Variants in CIITA observed in about 807,000 individuals in gnomAD.
CIITA encodes the protein MHC class II transactivator.
CIITA carries 72 observed loss-of-function variants against 115.1 expected under a neutral mutation model. The ratio of observed to expected loss-of-function variants is 0.63; its 90% confidence interval spans 0.52 to 0.76. CIITA has a LOEUF of 0.76. Among genes scored for constraint, CIITA ranks in the 30% least tolerant of loss-of-function variants. The pLI, the probability that CIITA is intolerant of heterozygous loss-of-function variation, is 0.00. For missense variants in CIITA, 1,617 were observed against 1,463.8 expected (o/e 1.10, Z -1.71); for synonymous variants, 763 against 635.6 (o/e 1.20, Z -3.02).
intron 1 of CIITA, among the ~76,000 whole-genome samples, chr16:10,870,539 G>T (rs181517132): frequency 5.8e-4 from 88 of 152,262 alleles, no homozygotes; most frequent in African/African-American, 2.0e-3. Flanking sequence ...CACAACATCT[G>T]AACAACATCT....
At chr16:10,938,423 C>A (rs945224047), downstream of CIITA, 3 of 151,818 alleles carry the variant, frequency 2.0e-5, no homozygotes, top group Admixed American at 2.0e-4. The surrounding 1 kb of genome is among the most constrained non-coding windows in gnomAD (Gnocchi z 4.9). Context: ...TCTTGAGATT[C>A]ATCCTGGGCC....
Position 10,941,614 on chromosome 16 carries a change from G to A in CIITA, n.740G>A, listed in dbSNP as rs993332373. Reference sequence around the variant, plus strand: ...GGTCTCCTCCTGGGGAACCATCCCCGTCCAGATGGTGCCCCCAACCAGCTG... The same window carrying A: ...GGTCTCCTCCTGGGGAACCATCCCCATCCAGATGGTGCCCCCAACCAGCTG... On this transcript the variant is annotated non_coding_transcript_exon_variant, in exon 2 of 2. Coordinates refer to the CIITA transcript ENST00000573379. The surrounding 1 kb of genome is among the most constrained non-coding windows in gnomAD (Gnocchi z 6.4). 28 of 1,507,104 alleles carry A rather than the reference G, an allele frequency of 1.9e-5. No homozygotes were observed. The East Asian group carries it at 2.8e-4, about 15-fold the overall frequency. 93.4% of individuals were successfully genotyped at this position (1,507,104 alleles called of 1,614,324 possible).
At position 10,933,314 on chromosome 16, in the gene CIITA, T is replaced by C. The variant is rs2040878364; in HGVS notation, c.*9459T>C. On this transcript the variant is annotated 3_prime_UTR_variant, in exon 20 of 20. Coordinates refer to ENST00000324288, the MANE Select transcript of CIITA (RefSeq NM_000246.4). ...TGCAGAGAAGCTGCCTGGTTCAGGA[T>C]GTGGCTTAAGTAAGAAGATGGCCCT... The C allele has an allele frequency of 6.6e-6, 1 of 152,276 alleles. No homozygotes were observed. The highest frequency in any genetic ancestry group is 6.5e-5 in the Admixed American group (1 of 15,284). The allele number at this position is 152,276 out of a possible 1,614,324, so 9.4% of individuals were successfully genotyped here. A position where few individuals can be genotyped will look rare whatever the true frequency, so the allele number is the denominator to read the frequency against.
rs76675971 is a variant in CIITA at position 10,918,095 on chromosome 16, C to A, written c.3063-345C>A. Among the ~76,000 whole-genome samples, 652 of 152,300 alleles carry A rather than the reference C, an allele frequency of 4.3e-3. 4 individuals are homozygous for A. The highest frequency in any genetic ancestry group is 0.014 in the African/African-American group (586 of 41,538). ...GAGCAAAACAGACACAGCCCTGCTC[C>A]ATGTGAAGCCCACAACCCGGCAGAA... On this transcript the variant is annotated intron_variant, in intron 15 of 19. Transcript: ENST00000324288.
chr16:10,907,604 C>G lies in CIITA; in HGVS notation c.2112C>G (p.Ser704=), dbSNP rs1463138775. The G allele has an allele frequency of 1.9e-6, 3 of 1,614,106 alleles. No individual in the cohort carries two copies. Among genetic ancestry groups the G allele is most frequent in the South Asian group, 2.2e-5 (2 of 91,084 alleles). The change falls in exon 11 of 20, where the codon TCC becomes TCG. Residue 704 remains serine, a synonymous_variant. Transcript: ENST00000324288. The surrounding 1 kb of genome is among the most constrained non-coding windows in gnomAD (Gnocchi z 5.0). ...LVQHPPRAAE[S]ELAFPSFLLQ... The stretch of plus-strand genomic sequence containing the variant: ...AACACCCACCGCGGGCCGCAGAGTC[C>G]GAGCTGGCCTTCCCCAGCTTCCTCC...
chr16:10,915,417 A>G (rs982403836), intron 13 of CIITA, among the ~76,000 whole-genome samples, 153 bp from the exon 14 acceptor site: 3 of 152,122 alleles, frequency 2.0e-5, no homozygotes, highest in Non-Finnish European at 2.9e-5. Context: ...CCTACGTGGA[A>G]GGGTTGCAGG....
Position 10,898,671 on chromosome 16 carries a change from G to A in CIITA, c.297G>A (p.Ala99=), listed in dbSNP as rs757438997. 9 of 1,609,274 alleles carry A rather than the reference G, an allele frequency of 5.6e-6. No individual in the cohort carries two copies. The highest frequency in any genetic ancestry group is 2.7e-5 in the African/African-American group (2 of 74,490). ...CTGCGCTTTTCCTTGTCTGGGCAGC[G>A]GAACTGGACCAGTATGTCTTCCAGG... The part of the protein sequence containing the change: ...EETREAYANI[A]ELDQYVFQDS... Residue 99 remains alanine, a splice_region_variant and synonymous_variant, in exon 4 of 20, where the codon GCG becomes GCA. Transcript: ENST00000324288.
rs57139687 is a variant in CIITA at position 10,879,558 on chromosome 16, C to T, written c.52+2176C>T. Among the ~76,000 whole-genome samples the T allele has an allele frequency of 0.052, 7,678 of 147,766 alleles. 1,079 individuals carry two copies. The highest frequency in any genetic ancestry group is 0.31 in the East Asian group (1,541 of 4,902). ...CCTGCTCAGGGAGGCAGTAGGGAGC[C>T]AAACCTTTAACCAGAGGATGGGATA... On this transcript the variant is annotated intron_variant, in intron 1 of 19. Coordinates refer to ENST00000324288, the MANE Select transcript of CIITA (RefSeq NM_000246.4). This position sits in a 1 kb window ranked among gnomAD's most constrained non-coding sequence, Gnocchi z 4.3.
chr16:10,874,658 G>T (rs997702790), upstream of CIITA, among the ~76,000 whole-genome samples: 2 of 152,376 alleles, frequency 1.3e-5, no homozygotes, highest in Non-Finnish European at 2.9e-5. Flanking sequence ...TTGTGGACAA[G>T]AACTGGGTCT....
At chr16:10,874,978 CT>C (rs993286338), upstream of CIITA, among the ~76,000 whole-genome samples, 1 of 151,038 alleles carries the variant, frequency 6.6e-6, no homozygotes, top group East Asian at 1.9e-4. Context: ...CTTTTTTTTT[CT>C]TTTTTTTGAG....
At chr16:10,911,522 TCTTC>T in intron 13 of CIITA, among the ~76,000 whole-genome samples, 1 of 147,390 alleles carries the variant, frequency 6.8e-6, no homozygotes, top group South Asian at 2.2e-4. Context: ...CCCTTCCTTC[TCTTC>T]CTTCCTTCTT....
At chr16:10,896,825 C>T (rs968859313) in intron 3 of CIITA, among the ~76,000 whole-genome samples, 2 of 152,214 alleles carry the variant, frequency 1.3e-5, no homozygotes, top group African/African-American at 4.8e-5. Context: ...TTCCCCAGAG[C>T]ACAGTGTATT....
intron 1 of CIITA, 146 bp from the exon 2 acceptor site, chr16:10,895,136 C>T (rs1234403874): frequency 1.5e-5 from 13 of 874,772 alleles, no homozygotes; most frequent in East Asian, 1.5e-4. Flanking sequence ...CTCTCCACCA[C>T]GCTGAGCATA....
chr16:10,918,496 C>G lies in CIITA; in HGVS notation c.3119C>G (p.Pro1040Arg). The stretch of plus-strand genomic sequence containing the variant: ...GCCTACAAACTCGCCGAGGCCCTGC[C>G]TTCGCTCGCTGCATCCCTGCTCAGG... ...LGAYKLAEAL[P>R]SLAASLLRLS... The change falls in exon 16 of 20, where the codon CCT becomes CGT. Residue 1040 changes from proline to arginine, a missense_variant. Pro to Arg is a moderately radical substitution (Grantham distance 103, BLOSUM62 -2). Coordinates refer to ENST00000324288, the MANE Select transcript of CIITA (RefSeq NM_000246.4). The G allele has an allele frequency of 6.2e-7, 1 of 1,614,190 alleles. No individual in the cohort carries two copies. The highest frequency in any genetic ancestry group is 8.5e-7 in the Non-Finnish European group (1 of 1,180,032).
intron 14 of CIITA, 45 bp downstream of exon 14, chr16:10,915,695 A>G: frequency 2.0e-6 from 3 of 1,529,732 alleles, no homozygotes; most frequent in Non-Finnish European, 2.7e-6. Context: ...ATCTGGGTGC[A>G]GTGCTGTGAT....
rs987168438 is a variant in CIITA at position 10,932,076 on chromosome 16, A to G, written c.*8221A>G. 6.6e-6 allele frequency: 1 copy of G among 152,252 alleles called. No homozygotes were observed. 9.4% of individuals were successfully genotyped at this position (152,252 alleles called of 1,614,324 possible). A position where few individuals can be genotyped will look rare whatever the true frequency, so the allele number is the denominator to read the frequency against. On this transcript the variant is annotated 3_prime_UTR_variant, in exon 20 of 20. Transcript: ENST00000324288. ...CATAGCAGAGAATGAAAGGGCCCAG[A>G]GAGGGTGGTGACCTCTGCCTGAAGT...
intron 3 of CIITA, among the ~76,000 whole-genome samples, chr16:10,897,025 T>A (rs539837335): frequency 6.6e-6 from 1 of 152,334 alleles, no homozygotes; most frequent in African/African-American, 2.4e-5. Flanking sequence ...GGGCATGTCA[T>A]AGGATTTGGG....
At position 10,901,803 on chromosome 16, in the gene CIITA, C is replaced by T. The variant is rs534411466; in HGVS notation, c.482-235C>T. 1.7e-3 allele frequency: 1,161 copies of T among 683,740 alleles called. 8 individuals carry two copies. Among genetic ancestry groups the T allele is most frequent in the Middle Eastern group, 8.2e-3 (20 of 2,450 alleles). 42.4% of individuals were successfully genotyped at this position (683,740 alleles called of 1,614,324 possible). A position where few individuals can be genotyped will look rare whatever the true frequency, so the allele number is the denominator to read the frequency against. On this transcript the variant is annotated intron_variant, in intron 6 of 19. Transcript: ENST00000324288. The surrounding 1 kb of genome is among the most constrained non-coding windows in gnomAD (Gnocchi z 6.8). ...TAGGTTCTATTCTGCCCCAGCTCTCCGTGTGGAGGCCCTAGGGTCCTGCTC... is the reference window on the plus strand; with the variant it reads ...TAGGTTCTATTCTGCCCCAGCTCTCTGTGTGGAGGCCCTAGGGTCCTGCTC...
Position 10,907,596 on chromosome 16 carries a change from G to T in CIITA, c.2104G>T (p.Ala702Ser), listed in dbSNP as rs760410085. 1 of 1,614,204 alleles carries T rather than the reference G, an allele frequency of 6.2e-7. No homozygotes were observed. Among genetic ancestry groups the T allele is most frequent in the Non-Finnish European group, 8.5e-7 (1 of 1,180,034 alleles). ...KGLVQHPPRA[A>S]ESELAFPSFL... ...CTTAGTCCAACACCCACCGCGGGCCGCAGAGTCCGAGCTGGCCTTCCCCAG... is the reference window on the plus strand; with the variant it reads ...CTTAGTCCAACACCCACCGCGGGCCTCAGAGTCCGAGCTGGCCTTCCCCAG... The change falls in exon 11 of 20, where the codon GCA becomes TCA. Residue 702 changes from alanine to serine, a missense_variant. Ala to Ser is a moderately conservative substitution (Grantham distance 99). Transcript: ENST00000324288. The surrounding 1 kb of genome is among the most constrained non-coding windows in gnomAD (Gnocchi z 5.0).
Sources: gnomAD v4.1 joint callset for allele counts (sites outside exome capture counted in the v4.1 genomes callset) on GRCh38, gnomAD v4.1.1 for gene constraint, Gnocchi (gnomAD v3.1) non-coding constraint, MANE v1.5 for transcripts, NCBI Gene and HGNC (gene_info 2026-07-23, HGNC 2026-07-21) for gene names.